GSPT1: variants seen among roughly 807,000 people sequenced by gnomAD.
GSPT1 encodes eukaryotic peptide chain release factor GTP-binding subunit ERF3A.
In GSPT1, 20 loss-of-function variants were observed where a neutral mutation model predicts 72.5. The observed-to-expected ratio is 0.28, with a 90% confidence interval of 0.19 to 0.40. The LOEUF (loss-of-function observed/expected upper bound fraction) is 0.40. Among genes scored for constraint, GSPT1 ranks in the 10% least tolerant of loss-of-function variants. GSPT1 has a pLI of 1.00. For synonymous variants in GSPT1, 334 were observed against 293.5 expected (o/e 1.14, Z -1.41); for missense variants, 580 against 811.9 (o/e 0.71, Z 3.47).
chr16:11,868,899 A>G lies in GSPT1; in HGVS notation c.*4220T>C, dbSNP rs1270338046. ...TAGTACCAACCTGCTTTTCCCTTAT[A>G]TTGGAGAACATAAAGGTTTTAATTA... On this transcript the variant is annotated 3_prime_UTR_variant, in exon 15 of 15. Coordinates refer to ENST00000434724, the MANE Select transcript of GSPT1 (RefSeq NM_002094.4). 5.3e-5 allele frequency: 8 copies of G among 152,214 alleles called. No homozygotes were observed. The allele number at this position is 152,214 out of a possible 1,614,324, so 9.4% of individuals were successfully genotyped here. A position where few individuals can be genotyped will look rare whatever the true frequency, so the allele number is the denominator to read the frequency against.
chr16:11,904,789 C>T (rs1411030937), intron 1 of GSPT1, among the ~76,000 whole-genome samples: 2 of 152,084 alleles, frequency 1.3e-5, no homozygotes, highest in Non-Finnish European at 2.9e-5. Context: ...GCTTTAGATA[C>T]AAAACTAATC....
intron 14 of GSPT1, among the ~76,000 whole-genome samples, chr16:11,874,911 G>A (rs1486768267): frequency 2.0e-5 from 3 of 152,188 alleles, no homozygotes; most frequent in Non-Finnish European, 4.4e-5. Flanking sequence ...TAACAGCTGG[G>A]CCGGGCACGG....
Position 11,875,654 on chromosome 16 carries a change from G to A in GSPT1, c.1861+107C>T, listed in dbSNP as rs374438207. 7.0e-4 allele frequency: 515 copies of A among 737,154 alleles called. 7 individuals carry two copies. In the East Asian group the frequency reaches 0.011, roughly 15 times the overall value. 45.7% of individuals were successfully genotyped at this position (737,154 alleles called of 1,614,324 possible). A position where few individuals can be genotyped will look rare whatever the true frequency, so the allele number is the denominator to read the frequency against. On this transcript the variant is annotated intron_variant, in intron 14 of 14. Transcript: ENST00000434724. ...ACTCATACGAATAAGAATGTGAATCGAAGTTTTCTGTGAACCTGTTGCAAT... is the reference window on the plus strand; with the variant it reads ...ACTCATACGAATAAGAATGTGAATCAAAGTTTTCTGTGAACCTGTTGCAAT...
In GSPT1 at chr16:11,872,607, A is replaced by C. The variant is rs1457207418; in HGVS notation, c.*512T>G. On this transcript the variant is annotated 3_prime_UTR_variant, in exon 15 of 15. Transcript: ENST00000434724. ...ATGTATTCAATTACTTGGGAAAGTT[A>C]AAAAGCTAATGCAACAATGTTACAT... is the stretch of plus-strand genomic sequence containing the variant. The C allele has an allele frequency of 2.0e-5, 3 of 152,384 alleles. No individual in the cohort carries two copies. In the East Asian group the frequency reaches 5.8e-4, roughly 29 times the overall value. 9.4% of individuals were successfully genotyped at this position (152,384 alleles called of 1,614,324 possible). A position where few individuals can be genotyped will look rare whatever the true frequency, so the allele number is the denominator to read the frequency against.
At position 11,879,228 on chromosome 16, in the gene GSPT1, C is replaced by T. The variant is rs546997844; in HGVS notation, c.1429-1648G>A. Among the ~76,000 whole-genome samples the T allele has an allele frequency of 1.1e-4, 16 of 145,300 alleles. No individual in the cohort carries two copies. The South Asian group carries it at 2.9e-3, about 26-fold the overall frequency. On this transcript the variant is annotated intron_variant, in intron 11 of 14. Coordinates refer to ENST00000434724, the MANE Select transcript of GSPT1 (RefSeq NM_002094.4). ...TAGCCAAGATGGTGAAACCCTGTCT[C>T]GACTAAAAATACAAAAATTAGCCAG...
intron 12 of GSPT1, 36 bp from the exon 13 acceptor site, chr16:11,876,211 T>A (rs2054044449): frequency 1.6e-6 from 2 of 1,269,706 alleles, no homozygotes; most frequent in Non-Finnish European, 2.3e-6. Context: ...ATCTTTAGCC[T>A]TAGGGTAAAT....
At position 11,915,945 on chromosome 16, in the gene GSPT1, G is replaced by C. The variant is rs540445782; in HGVS notation, c.-225C>G. 24 of 742,894 alleles carry C rather than the reference G, an allele frequency of 3.2e-5. No individual in the cohort carries two copies. Among genetic ancestry groups the C allele is most frequent in the East Asian group, 5.2e-5 (2 of 38,496 alleles). 46.0% of individuals were successfully genotyped at this position (742,894 alleles called of 1,614,324 possible). A position where few individuals can be genotyped will look rare whatever the true frequency, so the allele number is the denominator to read the frequency against. On this transcript the variant is annotated 5_prime_UTR_variant, in exon 1 of 15. Coordinates refer to ENST00000434724, the MANE Select transcript of GSPT1 (RefSeq NM_002094.4). ...CGGCGGCAGCTCAACCCTCCTCCTC[G>C]TGTGTGTGAGCGGATCTCCTCCCAC...
At chr16:11,904,331 TAGCTGGGACTACA>T (rs752957079) in intron 1 of GSPT1, among the ~76,000 whole-genome samples, 1 of 152,040 alleles carries the variant, frequency 6.6e-6, no homozygotes, top group Non-Finnish European at 1.5e-5. Flanking sequence ...GCCTCCCGAG[TAGCTGGGACTACA>T]GGCGCGCGCC....
intron 5 of GSPT1, among the ~76,000 whole-genome samples, chr16:11,891,838 A>G (rs1284375236): frequency 6.8e-6 from 1 of 146,606 alleles, no homozygotes; most frequent in Non-Finnish European, 1.5e-5. Context: ...AAGTTTTTGT[A>G]TTTTTAGTAG....
chr16:11,875,613 A>G, intron 14 of GSPT1, 148 bp downstream of exon 14: 1 of 570,222 alleles, frequency 1.8e-6, no homozygotes, highest in South Asian at 2.7e-5. Flanking sequence ...TGTTCAATAC[A>G]TTCAACTCAT....
At chr16:11,909,600 C>T (rs1397991318) in intron 1 of GSPT1, among the ~76,000 whole-genome samples, 2 of 152,180 alleles carry the variant, frequency 1.3e-5, no homozygotes, top group East Asian at 1.9e-4. Flanking sequence ...ATAACCAGTG[C>T]TCTACCTTCA....
chr16:11,893,463 G>GT (rs2054295444), intron 5 of GSPT1, among the ~76,000 whole-genome samples: 1 of 152,070 alleles, frequency 6.6e-6, no homozygotes, highest in Non-Finnish European at 1.5e-5. Flanking sequence ...AAATGTAAAT[G>GT]TAGGTACTAT....
chr16:11,881,569 G>C lies in GSPT1; in HGVS notation c.1428+1446C>G, dbSNP rs145898567. 6 of 149,996 alleles carry C rather than the reference G, an allele frequency of 4.0e-5. No homozygotes were observed. In the East Asian group the frequency reaches 1.2e-3, roughly 29 times the overall value. The allele number at this position is 149,996 out of a possible 1,614,324, so 9.3% of individuals were successfully genotyped here. ...TTCTAAAACTTCATTGTCCCAAAAA[G>C]GAAATCCTACACCCGTTAAGCAGTC... On this transcript the variant is annotated intron_variant, in intron 11 of 14. Transcript: ENST00000434724.
At chr16:11,894,383 C>A (rs1333714044) in intron 5 of GSPT1, among the ~76,000 whole-genome samples, 2 of 151,742 alleles carry the variant, frequency 1.3e-5, no homozygotes, top group African/African-American at 4.8e-5. Flanking sequence ...ATAATACGAT[C>A]AAAAAATTAT....
chr16:11,875,738 G>C, intron 14 of GSPT1, 23 bp downstream of exon 14: 1 of 1,565,030 alleles, frequency 6.4e-7, no homozygotes. Context: ...TATACTACTA[G>C]ACGTCAGTTT....
chr16:11,881,192 A>T (rs930782742), intron 11 of GSPT1: 1 of 152,262 alleles, frequency 6.6e-6, no homozygotes, highest in African/African-American at 2.4e-5. Flanking sequence ...CCCACCCACC[A>T]GCTGCCTCTA....
chr16:11,916,512 C>T (rs966707619), upstream of GSPT1, among the ~76,000 whole-genome samples: 1 of 152,210 alleles, frequency 6.6e-6, no homozygotes. Flanking sequence ...ATTCTCTCTC[C>T]ACCTTCTTTC....
In GSPT1 at chr16:11,871,035, AAGCAATTGCTAGTATT is replaced by A. The variant is rs2053972392; in HGVS notation, c.*2068_*2083del. On this transcript the variant is annotated 3_prime_UTR_variant, in exon 15 of 15. Coordinates refer to ENST00000434724, the MANE Select transcript of GSPT1 (RefSeq NM_002094.4). ...AACTTTTAAATATTCATTAAAATTC[AAGCAATTGCTAGTATT>A]TGTTTTTATTAACATGGAATTACAA... The A allele has an allele frequency of 6.6e-6, 1 of 152,228 alleles. No homozygotes were observed. The highest frequency in any genetic ancestry group is 1.5e-5 in the Non-Finnish European group (1 of 68,030). The allele number at this position is 152,228 out of a possible 1,614,324, so 9.4% of individuals were successfully genotyped here. A position where few individuals can be genotyped will look rare whatever the true frequency, so the allele number is the denominator to read the frequency against.
At chr16:11,915,971 C>G (rs371693136), upstream of GSPT1, 307 of 719,294 alleles carry the variant, frequency 4.3e-4, 5 homozygotes, top group East Asian at 4.2e-3. Context: ...CTCCTCCCAC[C>G]CAACCACCTC....
Sources: allele counts gnomAD v4.1 joint callset (sites outside exome capture counted in the v4.1 genomes callset), GRCh38; gene constraint gnomAD v4.1.1; transcripts MANE v1.5; gene names NCBI Gene and HGNC (gene_info 2026-07-23, HGNC 2026-07-21).